TATDN1: variants seen among roughly 807,000 people sequenced by gnomAD.
TATDN1 encodes the protein TatD DNase domain containing 1, also known as deoxyribonuclease TATDN1.
Under a neutral mutation model 46.4 loss-of-function variants are expected in TATDN1, and 40 were observed. The observed-to-expected ratio is 0.86, with a 90% CI of 0.67 to 1.12. The LOEUF is 1.12. Ranked by LOEUF, TATDN1 falls within the 50% of genes most tolerant of loss-of-function variation. The probability of loss-of-function intolerance (pLI) is 0.00; values close to 1 mark genes in which losing one functional copy is unlikely to be tolerated. For synonymous variants in TATDN1, 95 were observed against 105.6 expected (o/e 0.90, Z 0.62); for missense variants, 326 against 348.4 (o/e 0.94, Z 0.51).
intron 10 of TATDN1, 112 bp from the exon 11 acceptor site, chr8:124,494,071 T>A: frequency 9.5e-7 from 1 of 1,052,556 alleles, no homozygotes; most frequent in South Asian, 2.1e-5. Context: ...GCTTCCAAAA[T>A]GGCACAGTTA....
rs190114640 is a variant in TATDN1, at chr8:124,537,260, G to C, written c.22+1765C>G. ...TTAAGAGTTTGATCTAGTGGGAAAG[G>C]CATACTCATATTTAATTATAAATAA... On this transcript the variant is annotated intron_variant, in intron 1 of 11. Transcript: ENST00000276692. Among the ~76,000 whole-genome samples the C allele has an allele frequency of 1.2e-4, 19 of 152,234 alleles. No individual in the cohort carries two copies. In the East Asian group the frequency reaches 1.7e-3, roughly 14 times the overall value.
chr8:124,529,567 C>T (rs537215194), intron 1 of TATDN1, among the ~76,000 whole-genome samples: 10 of 152,242 alleles, frequency 6.6e-5, no homozygotes, highest in African/African-American at 2.2e-4. Flanking sequence ...AAACACACAG[C>T]CTGAATGGGG....
intron 6 of TATDN1, among the ~76,000 whole-genome samples, chr8:124,509,089 T>C (rs1225175005): frequency 3.3e-5 from 5 of 152,218 alleles, no homozygotes; most frequent in African/African-American, 7.2e-5. Context: ...CTGGGCAAAA[T>C]GAACAAGGTT....
At chr8:124,502,764 C>T (rs1160958614) in intron 9 of TATDN1, among the ~76,000 whole-genome samples, 1 of 152,172 alleles carries the variant, frequency 6.6e-6, no homozygotes, top group East Asian at 1.9e-4. Flanking sequence ...CTGGATTAAC[C>T]TCCCTCATAT....
chr8:124,530,945 T>C (rs2131560035), intron 1 of TATDN1, among the ~76,000 whole-genome samples: 1 of 152,274 alleles, frequency 6.6e-6, no homozygotes, highest in African/African-American at 2.4e-5. Flanking sequence ...GCAAGGGTTG[T>C]TGTTTTCAGA....
intron 9 of TATDN1, among the ~76,000 whole-genome samples, chr8:124,495,861 G>A (rs1157467840): frequency 6.6e-6 from 1 of 152,214 alleles, no homozygotes; most frequent in Non-Finnish European, 1.5e-5. Flanking sequence ...ACTTAGAGGT[G>A]CTTCTAAGGC....
At chr8:124,519,482 C>T (rs1254350071) in intron 3 of TATDN1, among the ~76,000 whole-genome samples, 1 of 152,092 alleles carries the variant, frequency 6.6e-6, no homozygotes, top group Non-Finnish European at 1.5e-5. Context: ...TACAACTGTA[C>T]TCATGTTGCT....
At chr8:124,502,196 C>G (rs946029517) in intron 9 of TATDN1, among the ~76,000 whole-genome samples, 5 of 151,994 alleles carry the variant, frequency 3.3e-5, no homozygotes, top group Non-Finnish European at 5.9e-5. Flanking sequence ...AAAAAAATAG[C>G]CAGGTGTAGT....
chr8:124,532,894 A>G (rs142654206), intron 1 of TATDN1, among the ~76,000 whole-genome samples: 8 of 152,134 alleles, frequency 5.3e-5, no homozygotes, highest in Admixed American at 5.2e-4. Flanking sequence ...CCTTAAGTCT[A>G]TATGAGGTGA....
intron 11 of TATDN1, among the ~76,000 whole-genome samples, chr8:124,492,613 G>T (rs1288234981): frequency 6.6e-6 from 1 of 152,032 alleles, no homozygotes; most frequent in African/African-American, 2.4e-5. Flanking sequence ...AATTAACTGA[G>T]TGTGGTGGCA....
intron 8 of TATDN1, among the ~76,000 whole-genome samples, chr8:124,506,101 G>A (rs1166006684): frequency 1.3e-5 from 2 of 151,874 alleles, no homozygotes; most frequent in South Asian, 2.1e-4. Context: ...TTGGGAGGCC[G>A]AGGCAGGTGG....
At chr8:124,507,867 T>C (rs1818647556) in intron 8 of TATDN1, among the ~76,000 whole-genome samples, 1 of 151,896 alleles carries the variant, frequency 6.6e-6, no homozygotes, top group Non-Finnish European at 1.5e-5. Flanking sequence ...TCTGTACGCA[T>C]TCTTGTACTT....
intron 8 of TATDN1, 57 bp from the exon 9 acceptor site, chr8:124,504,404 G>A (rs1382608503): frequency 7.8e-7 from 1 of 1,280,276 alleles, no homozygotes; most frequent in Non-Finnish European, 1.1e-6. Context: ...AAAATTCTAA[G>A]TGACATTAAT....
At chr8:124,519,271 C>G (rs565077283) in intron 3 of TATDN1, among the ~76,000 whole-genome samples, 2 of 152,098 alleles carry the variant, frequency 1.3e-5, no homozygotes, top group African/African-American at 4.8e-5. Flanking sequence ...TGGTAACTCC[C>G]AGTAGGTATG....
intron 3 of TATDN1, among the ~76,000 whole-genome samples, chr8:124,520,608 G>A (rs190370200): frequency 9.2e-4 from 140 of 151,602 alleles, no homozygotes; most frequent in African/African-American, 3.3e-3. Flanking sequence ...TGAAAAAAAC[G>A]GCAAGACAAG....
chr8:124,518,348 C>A (rs1051356683), intron 4 of TATDN1, among the ~76,000 whole-genome samples: 1 of 149,710 alleles, frequency 6.7e-6, no homozygotes, highest in Non-Finnish European at 1.5e-5. Flanking sequence ...CATGGTGAAA[C>A]CCCGTCTCTA....
intron 6 of TATDN1, among the ~76,000 whole-genome samples, chr8:124,509,655 A>G (rs1339168284): frequency 4.6e-5 from 7 of 152,180 alleles, no homozygotes; most frequent in African/African-American, 1.7e-4. Flanking sequence ...TTTCTATATC[A>G]TATTTCCTGA....
At chr8:124,532,049 T>C (rs1388532534) in intron 1 of TATDN1, among the ~76,000 whole-genome samples, 1 of 148,680 alleles carries the variant, frequency 6.7e-6, no homozygotes, top group East Asian at 2.0e-4. Flanking sequence ...GGTCTTCAGA[T>C]GGGGAGGGGA....
rs567751292 is a variant in TATDN1, at chr8:124,506,114, C to T, written c.517-1767G>A. On this transcript the variant is annotated intron_variant, in intron 8 of 11. Transcript: ENST00000276692. ...CTTTGGGAGGCCGAGGCAGGTGGAT[C>T]GCTTGAGGTCAGGAGTTCAAGACCC... Among the ~76,000 whole-genome samples, 15 of 151,860 alleles carry T rather than the reference C, an allele frequency of 9.9e-5. No homozygotes were observed. The South Asian group carries it at 1.9e-3, about 19-fold the overall frequency.
Sources: gnomAD v4.1 joint callset for allele counts (sites outside exome capture counted in the v4.1 genomes callset) on GRCh38, gnomAD v4.1.1 for gene constraint, MANE v1.5 for transcripts, NCBI Gene and HGNC (gene_info 2026-07-23, HGNC 2026-07-21) for gene names.